The following ZDHHC13 variants were observed in gnomAD, a reference collection of about 807,000 sequenced individuals.
ZDHHC13 encodes zDHHC palmitoyltransferase 13.
ZDHHC13 carries 85 observed loss-of-function variants against 86.0 expected under a neutral mutation model. The ratio of observed to expected loss-of-function variants is 0.99; its 90% CI spans 0.83 to 1.18. The LOEUF is 1.18. Ranked by LOEUF, ZDHHC13 falls within the 50% of genes most tolerant of loss-of-function variation. ZDHHC13 has a pLI of 0.00. For synonymous variants in ZDHHC13, 263 were observed against 246.4 expected, an observed-to-expected ratio of 1.07 and a Z score of -0.63; for missense variants, 711 against 730.2, an observed-to-expected ratio of 0.97 and a Z score of 0.30.
chr11:19,127,695 A>T (rs1330155660), intron 1 of ZDHHC13, among the ~76,000 whole-genome samples: 1 of 152,178 alleles, frequency 6.6e-6, no homozygotes, highest in East Asian at 1.9e-4. Flanking sequence ...AGCACCATTT[A>T]TTGAATAAGG....
At chr11:19,147,821 A>G (rs1459905882) in intron 4 of ZDHHC13, 148 bp downstream of exon 4, 2 of 509,036 alleles carry the variant, frequency 3.9e-6, no homozygotes, top group Non-Finnish European at 6.6e-6. Flanking sequence ...AAGAGTTTGC[A>G]GAAAGGATGT....
intron 1 of ZDHHC13, among the ~76,000 whole-genome samples, chr11:19,123,555 G>A (rs1848802311): frequency 6.6e-6 from 1 of 152,094 alleles, no homozygotes; most frequent in Admixed American, 6.6e-5. Context: ...GGGTCAGGTG[G>A]TAGAATCACT....
intron 1 of ZDHHC13, among the ~76,000 whole-genome samples, chr11:19,131,690 G>A (rs1186556827): frequency 6.6e-6 from 1 of 151,576 alleles, no homozygotes; most frequent in Non-Finnish European, 1.5e-5. Context: ...AGGCTGGTGT[G>A]CAGTGGTGTG....
rs555803634 is a variant in ZDHHC13 at position 19,123,698 on chromosome 11, T to C, written c.27+6422T>C. Among the ~76,000 whole-genome samples the C allele has an allele frequency of 3.6e-4, 54 of 152,108 alleles. No individual in the cohort carries two copies. The South Asian group carries it at 0.011, about 30-fold the overall frequency. On this transcript the variant is annotated intron_variant, in intron 1 of 16. Transcript: ENST00000446113. ...TTTCTAACCTACAAAGAGAAACAGA[T>C]ATGTGCAATTCATTAGAAAAACAAG...
chr11:19,167,836 CAGGGTCT>C (rs1162220376), intron 14 of ZDHHC13: 6 of 152,106 alleles, frequency 3.9e-5, no homozygotes, highest in Non-Finnish European at 7.3e-5. Flanking sequence ...TTTTTTGAGA[CAGGGTCT>C]CACTCTGTCG....
At chr11:19,153,742 A>C (rs1170717146) in intron 8 of ZDHHC13, among the ~76,000 whole-genome samples, 1 of 151,610 alleles carries the variant, frequency 6.6e-6, no homozygotes, top group Non-Finnish European at 1.5e-5. Flanking sequence ...TACCTACTTT[A>C]CTCATCCGCT....
Position 19,164,446 on chromosome 11 carries a change from A to G in ZDHHC13, c.1296+83A>G, listed in dbSNP as rs774121124. 1.8e-5 allele frequency: 24 copies of G among 1,333,318 alleles called. No individual in the cohort carries two copies. In the African/African-American group the frequency reaches 2.3e-4, roughly 13 times the overall value. 82.6% of individuals were successfully genotyped at this position (1,333,318 alleles called of 1,614,324 possible). On this transcript the variant is annotated intron_variant, in intron 12 of 16. Transcript: ENST00000446113. ...TGATGTAAGCATTTGTCAGATCTTCATGGTATATTTATACACCTTTGTTTT... is the reference window on the plus strand; with the variant it reads ...TGATGTAAGCATTTGTCAGATCTTCGTGGTATATTTATACACCTTTGTTTT...
chr11:19,167,624 C>T (rs1436793394), intron 14 of ZDHHC13: 2 of 152,152 alleles, frequency 1.3e-5, no homozygotes, highest in South Asian at 2.1e-4. Context: ...TCCTACCTGA[C>T]GCCTTGGGTG....
At chr11:19,152,477 G>A in intron 7 of ZDHHC13, 82 bp from the exon 8 acceptor site, 2 of 1,464,478 alleles carry the variant, frequency 1.4e-6, no homozygotes, top group Non-Finnish European at 1.8e-6. Flanking sequence ...TTGAGTCTAT[G>A]ATTCTGGTGT....
chr11:19,165,537 G>A (rs1850040442), intron 13 of ZDHHC13, among the ~76,000 whole-genome samples: 1 of 152,166 alleles, frequency 6.6e-6, no homozygotes. Context: ...TAGTAGCTGA[G>A]GAGTATTTGT....
chr11:19,136,529 T>C (rs1231270111), intron 1 of ZDHHC13, among the ~76,000 whole-genome samples: 1 of 152,086 alleles, frequency 6.6e-6, no homozygotes. Flanking sequence ...ACTTCCCCAA[T>C]GTAGCAAGGC....
In ZDHHC13 at chr11:19,125,698, CTG is replaced by C. The variant is rs1848858866; in HGVS notation, c.27+8424_27+8425del. On this transcript the variant is annotated intron_variant, in intron 1 of 16. Coordinates refer to ENST00000446113, the MANE Select transcript of ZDHHC13 (RefSeq NM_019028.3). Reference sequence around the variant, plus strand: ...AAAGCTGGAAAACAACCCACGCAGACTGTTTGGATAGATTATCTGTGACGCAC... The same window carrying C: ...AAAGCTGGAAAACAACCCACGCAGACTTTGGATAGATTATCTGTGACGCAC... 2.0e-5 allele frequency among the ~76,000 whole-genome samples: 3 copies of C among 152,304 alleles called. No individual in the cohort carries two copies. In the South Asian group the frequency reaches 6.2e-4, roughly 32 times the overall value.
intron 1 of ZDHHC13, among the ~76,000 whole-genome samples, chr11:19,128,409 C>G (rs1392902278): frequency 6.6e-6 from 1 of 152,184 alleles, no homozygotes; most frequent in African/African-American, 2.4e-5. Flanking sequence ...GATAGTTTGA[C>G]TTCCTCTCTT....
chr11:19,152,616 C>A lies in ZDHHC13; in HGVS notation c.805C>A (p.Leu269Ile). The part of the protein sequence containing the change: ...QNKNQLIIHM[L>I]KTEAKMRANQ... ...CAAAAATCAGCTCATTATTCATATG[C>A]TAAAAACAGAAGCCAAAATGAGAGC... Residue 269 changes from leucine (L) to isoleucine (I), a missense_variant, in exon 8 of 17, where the codon CTA becomes ATA. Transcript: ENST00000446113. 2 of 1,613,314 alleles carry A rather than the reference C, an allele frequency of 1.2e-6. No homozygotes were observed. Among genetic ancestry groups the A allele is most frequent in the Non-Finnish European group, 1.7e-6 (2 of 1,179,424 alleles).
chr11:19,119,548 G>A (rs1212705947), intron 1 of ZDHHC13, among the ~76,000 whole-genome samples: 5 of 152,146 alleles, frequency 3.3e-5, no homozygotes, highest in Non-Finnish European at 7.3e-5. Context: ...TGACACAAAT[G>A]TCACCTCTGT....
At chr11:19,172,936 C>T in intron 16 of ZDHHC13, 116 bp downstream of exon 16, 1 of 833,468 alleles carries the variant, frequency 1.2e-6, no homozygotes, top group East Asian at 2.9e-5. Flanking sequence ...CCATCTAGTA[C>T]AGTTGACCCC....
At chr11:19,129,869 G>A (rs1840782751) in intron 1 of ZDHHC13, among the ~76,000 whole-genome samples, 1 of 152,076 alleles carries the variant, frequency 6.6e-6, no homozygotes, top group Non-Finnish European at 1.5e-5. Context: ...GAGGCGGGTG[G>A]ATCATGAGGT....
rs75305343 is a variant in ZDHHC13 at position 19,141,820 on chromosome 11, G to A, written c.28-1158G>A. On this transcript the variant is annotated intron_variant, in intron 1 of 16. Transcript: ENST00000446113. ...AAAGAAAAATTTTTTAGCTTGCCAT[G>A]TGCTGCTGCTTCTAATAGGTGATCC... Among the ~76,000 whole-genome samples, 1,042 of 152,128 alleles carry A rather than the reference G, an allele frequency of 6.8e-3. 9 individuals carry two copies. Among genetic ancestry groups the A allele is most frequent in the African/African-American group, 0.024 (982 of 41,482 alleles).
intron 1 of ZDHHC13, among the ~76,000 whole-genome samples, chr11:19,121,325 G>A (rs549859301): frequency 1.3e-5 from 2 of 152,280 alleles, no homozygotes; most frequent in East Asian, 1.9e-4. Flanking sequence ...GGTCTGAGGA[G>A]TAGTCTGTAT....
Sources: gnomAD v4.1 joint callset for allele counts (sites outside exome capture counted in the v4.1 genomes callset) on GRCh38, gnomAD v4.1.1 for gene constraint, MANE v1.5 for transcripts, NCBI Gene and HGNC (gene_info 2026-07-23, HGNC 2026-07-21) for gene names.